FLT4: variants seen among roughly 807,000 people sequenced by gnomAD.
FLT4 encodes the protein vascular endothelial growth factor receptor 3.
Under a neutral mutation model 163.2 loss-of-function variants are expected in FLT4, and 30 were observed. That is an observed-to-expected ratio of 0.18 (90% CI 0.14 to 0.25). The LOEUF (loss-of-function observed/expected upper bound fraction) is 0.25, where lower values mean the gene tolerates loss of function less well. FLT4 is among the 10% of genes least tolerant of loss of function. FLT4 has a pLI of 1.00. For synonymous variants in FLT4, 884 were observed against 789.5 expected (o/e 1.12, Z -2.01); for missense variants, 1,510 against 1,863.8 (o/e 0.81, Z 3.50).
rs1202206213 is a variant in FLT4 at position 180,612,625 on chromosome 5, T to A, written c.3432-14A>T. The A allele has an allele frequency of 6.3e-7, 1 of 1,597,910 alleles. No homozygotes were observed. Among genetic ancestry groups the A allele is most frequent in the African/African-American group, 1.3e-5 (1 of 74,724 alleles). On this transcript the variant is annotated splice_polypyrimidine_tract_variant and intron_variant, in intron 25 of 29. Transcript: ENST00000261937. ...ATGATGCGGCGTCTGCAGGATCACG[T>A]GGGCTGCTGGACTGCATGCACCCCA...
chr5:180,616,812 T>C (rs1364662479), intron 22 of FLT4, 88 bp downstream of exon 22: 4 of 1,035,476 alleles, frequency 3.9e-6, no homozygotes, highest in Non-Finnish European at 6.1e-6. Flanking sequence ...ACAGAGCCAT[T>C]GCAGGGTGAG....
At chr5:180,610,070 C>A in intron 27 of FLT4, 45 bp from the exon 28 acceptor site, 1 of 1,612,820 alleles carries the variant, frequency 6.2e-7, no homozygotes, top group Non-Finnish European at 8.5e-7. Context: ...GCTGCAGCAA[C>A]CCTCCTCGAA....
intron 10 of FLT4, among the ~76,000 whole-genome samples, chr5:180,625,229 A>C (rs184069575): frequency 1.1e-4 from 16 of 152,320 alleles, no homozygotes; most frequent in African/African-American, 3.6e-4. Flanking sequence ...AGTGCCTTCA[A>C]GCCCTGCCCA....
chr5:180,621,357 A>T, intron 13 of FLT4, 105 bp from the exon 14 acceptor site: 2 of 1,448,040 alleles, frequency 1.4e-6, no homozygotes, highest in South Asian at 1.3e-5. Flanking sequence ...AGCTGGACTT[A>T]GGGGTTGTGC....
chr5:180,638,746 G>A (rs1764872279), intron 1 of FLT4, among the ~76,000 whole-genome samples: 1 of 152,134 alleles, frequency 6.6e-6, no homozygotes, highest in Non-Finnish European at 1.5e-5. Flanking sequence ...GCTTAGACAC[G>A]GCCTCCTCAC....
At chr5:180,608,295 AG>A (rs1761916444) in intron 29 of FLT4, 1 of 700,702 alleles carries the variant, frequency 1.4e-6, no homozygotes, top group Non-Finnish European at 2.6e-6. Flanking sequence ...CTAAGAGGGA[AG>A]GGCCCCGTCC....
chr5:180,637,812 G>A (rs1322608549), intron 1 of FLT4, among the ~76,000 whole-genome samples: 1 of 152,138 alleles, frequency 6.6e-6, no homozygotes, highest in African/African-American at 2.4e-5. Context: ...TTACAGGTGT[G>A]GGCCACCATG....
intron 27 of FLT4, among the ~76,000 whole-genome samples, chr5:180,610,785 C>A (rs889060832): frequency 6.6e-6 from 1 of 152,222 alleles, no homozygotes; most frequent in African/African-American, 2.4e-5. Flanking sequence ...TTGCCGGGCG[C>A]AGTGGCTCAC....
At chr5:180,635,890 AGTATGGGTGGATGGGTGGGTGGGTGGG>A (rs1764643303) in intron 1 of FLT4, among the ~76,000 whole-genome samples, 1 of 19,616 alleles carries the variant, frequency 5.1e-5, no homozygotes, top group Non-Finnish European at 9.3e-5. Context: ...GATGGATGGG[AGTATGGGTGGATGGGTGGGTGGGTGGG>A]TGGATGGATG....
In FLT4 at chr5:180,620,687, G is replaced by C. The variant is rs139263798; in HGVS notation, c.2328C>G (p.Ile776Met). Reference sequence around the variant, plus strand: ...TGACGCCGGTACCGACAAGGATCACGATCTCCATGCTGCCCTTATCCTCGG... The same window carrying C: ...TGACGCCGGTACCGACAAGGATCACCATCTCCATGCTGCCCTTATCCTCGG... ...EGSEDKGSMEIVILVGTGVIA... is the reference protein window; with the variant it reads ...EGSEDKGSMEMVILVGTGVIA... The change falls in exon 16 of 30, where the codon ATC (isoleucine) becomes ATG (methionine). Residue 776 changes from isoleucine to methionine, a missense_variant. Physicochemically the swap from Ile to Met is conservative, Grantham distance 10. Coordinates refer to ENST00000261937, the MANE Select transcript of FLT4 (RefSeq NM_182925.5). This position sits in a 1 kb window ranked among gnomAD's most constrained non-coding sequence, Gnocchi z 4.4. The C allele has an allele frequency of 2.5e-6, 4 of 1,613,468 alleles. No homozygotes were observed. The highest frequency in any genetic ancestry group is 3.4e-6 in the Non-Finnish European group (4 of 1,179,974).
rs1762990596 is a variant in FLT4 at position 180,619,880 on chromosome 5, G to A, written c.2543-111C>T. On this transcript the variant is annotated intron_variant, in intron 17 of 29. Transcript: ENST00000261937. Reference sequence around the variant, plus strand: ...TCCAGGAGGACAGGCCTGGCAGCAGGAGGAGCGTGGGGAGCCACAGCGGGA... The same window carrying A: ...TCCAGGAGGACAGGCCTGGCAGCAGAAGGAGCGTGGGGAGCCACAGCGGGA... 6.2e-6 allele frequency: 5 copies of A among 807,096 alleles called. No individual in the cohort carries two copies. The Admixed American group carries it at 6.4e-5, about 10-fold the overall frequency. The allele number at this position is 807,096 out of a possible 1,614,324, so 50.0% of individuals were successfully genotyped here. A position where few individuals can be genotyped will look rare whatever the true frequency, so the allele number is the denominator to read the frequency against.
chr5:180,638,722 A>T (rs1458056045), intron 1 of FLT4, among the ~76,000 whole-genome samples: 1 of 152,132 alleles, frequency 6.6e-6, no homozygotes, highest in Non-Finnish European at 1.5e-5. Context: ...CTGACTTCTC[A>T]CGCTAAGGAC....
rs1439166612 is a variant in FLT4 at position 180,603,051 on chromosome 5, C to T, written c.*141G>A. 7 of 831,278 alleles carry T rather than the reference C, an allele frequency of 8.4e-6. No individual in the cohort carries two copies. The highest frequency in any genetic ancestry group is 6.3e-5 in the Admixed American group (3 of 47,284). 51.5% of individuals were successfully genotyped at this position (831,278 alleles called of 1,614,324 possible). On this transcript the variant is annotated 3_prime_UTR_variant, in exon 30 of 30. Transcript: ENST00000261937. ...GGGCCTGGAGTCCTGCTCTTCCTAGCTGGGAAGTCTGCAGAGAGGGAAGAG... is the reference window on the plus strand; with the variant it reads ...GGGCCTGGAGTCCTGCTCTTCCTAGTTGGGAAGTCTGCAGAGAGGGAAGAG...
chr5:180,643,963 A>G (rs1180450595), intron 1 of FLT4, among the ~76,000 whole-genome samples: 1 of 152,090 alleles, frequency 6.6e-6, no homozygotes, highest in Non-Finnish European at 1.5e-5. Context: ...TTGGGATTAC[A>G]GACGCCTGCC....
intron 27 of FLT4, among the ~76,000 whole-genome samples, chr5:180,610,784 G>A (rs1252971789): frequency 1.3e-5 from 2 of 152,214 alleles, no homozygotes; most frequent in African/African-American, 2.4e-5. Context: ...CTTGCCGGGC[G>A]CAGTGGCTCA....
intron 1 of FLT4, among the ~76,000 whole-genome samples, chr5:180,648,729 C>T (rs1019428082): frequency 2.0e-5 from 2 of 100,828 alleles, no homozygotes; most frequent in Non-Finnish European, 4.6e-5. Context: ...GCCAGAGCCA[C>T]ATCCCAACAC....
Position 180,625,902 on chromosome 5 carries a change from C to G in FLT4, c.1388G>C (p.Trp463Ser). 1 of 1,612,242 alleles carries G rather than the reference C, an allele frequency of 6.2e-7. No individual in the cohort carries two copies. Among genetic ancestry groups the G allele is most frequent in the African/African-American group, 1.3e-5 (1 of 75,014 alleles). Residue 463 changes from tryptophan (W) to serine (S), a missense_variant, in exon 10 of 30, where the codon TGG becomes TCG. Trp to Ser is a radical substitution (Grantham distance 177, BLOSUM62 -3). Around this residue, in one of 5 missense-constraint regions of FLT4, gnomAD observed 878 missense variants for 1,016.7 expected, o/e 0.86. Coordinates refer to ENST00000261937, the MANE Select transcript of FLT4 (RefSeq NM_182925.5). ...PLSIQWHWRP[W>S]TPCKMFAQRS... ...CTGGGCAAACATCTTGCAGGGTGTC[C>G]AGGGCCGCCAGTGCCACTGGATGCT...
chr5:180,608,841 C>T (rs1000285762), intron 29 of FLT4, 127 bp downstream of exon 29: 35 of 837,312 alleles, frequency 4.2e-5, no homozygotes, highest in African/African-American at 1.3e-4. Flanking sequence ...CTTGAACGCG[C>T]GAAAAGGCCA....
At chr5:180,640,570 G>A (rs1765028862) in intron 1 of FLT4, among the ~76,000 whole-genome samples, 1 of 152,228 alleles carries the variant, frequency 6.6e-6, no homozygotes, top group Non-Finnish European at 1.5e-5. Context: ...GCCTCCATCT[G>A]GCTTCATGCC....
Sources: gnomAD v4.1 joint callset for allele counts (sites outside exome capture counted in the v4.1 genomes callset) on GRCh38, gnomAD v4.1.1 for gene constraint, gnomAD v4.1.1 regional missense constraint, Gnocchi (gnomAD v3.1) non-coding constraint, MANE v1.5 for transcripts, NCBI Gene and HGNC (gene_info 2026-07-23, HGNC 2026-07-21) for gene names.